Variants in ALK observed in about 807,000 individuals in gnomAD.
ALK encodes the protein ALK tyrosine kinase receptor.
A neutral mutation model predicts 163.1 loss-of-function variants in ALK; 74 were observed. The observed-to-expected ratio is 0.45, with a 90% confidence interval of 0.38 to 0.55. ALK has a LOEUF of 0.55. Ranked by LOEUF, ALK falls within the 20% of genes least tolerant of loss-of-function variation. The pLI, the probability that ALK is intolerant of heterozygous loss-of-function variation, is 0.00. For synonymous variants in ALK, 960 were observed against 843.2 expected (o/e 1.14, Z -2.40); for missense variants, 2,063 against 2,105.3 (o/e 0.98, Z 0.39).
intron 1 of ALK, among the ~76,000 whole-genome samples, chr2:29,729,672 C>G (rs1052208784): frequency 6.6e-6 from 1 of 152,162 alleles, no homozygotes; most frequent in East Asian, 1.9e-4. Flanking sequence ...CCCTCCAAAT[C>G]GCCTGGCTCT....
chr2:29,874,289 C>G (rs1404760263), intron 1 of ALK, among the ~76,000 whole-genome samples: 5 of 144,224 alleles, frequency 3.5e-5, no homozygotes, highest in Admixed American at 3.4e-4. Context: ...ACTGTCAACT[C>G]AAGCCCAGTA....
intron 5 of ALK, among the ~76,000 whole-genome samples, chr2:29,331,417 A>G (rs964746766): frequency 6.6e-6 from 1 of 152,188 alleles, no homozygotes; most frequent in Non-Finnish European, 1.5e-5. Context: ...CCTGGAATCA[A>G]TCCCCCACTG....
At chr2:29,375,713 C>T (rs1668738428) in intron 5 of ALK, among the ~76,000 whole-genome samples, 1 of 152,132 alleles carries the variant, frequency 6.6e-6, no homozygotes, top group Non-Finnish European at 1.5e-5. Context: ...GATGGCTAGT[C>T]TATGGCAAGT....
intron 3 of ALK, among the ~76,000 whole-genome samples, chr2:29,591,174 G>A (rs575733725): frequency 9.3e-5 from 14 of 151,198 alleles, no homozygotes; most frequent in Non-Finnish European, 1.6e-4. Flanking sequence ...CAAGAATCAT[G>A]GAATAATTTT....
In ALK at chr2:29,801,635, T is replaced by C. The variant is rs183253375; in HGVS notation, c.668-83938A>G. Among the ~76,000 whole-genome samples the C allele has an allele frequency of 2.0e-5, 3 of 152,350 alleles. No homozygotes were observed. The East Asian group carries it at 5.8e-4, about 29-fold the overall frequency. On this transcript the variant is annotated intron_variant, in intron 1 of 28. Coordinates refer to ENST00000389048, the MANE Select transcript of ALK (RefSeq NM_004304.5). ...TGTTTTTCACTTAACTTTTTTTCAT[T>C]TTCTGTTTTCCTTCCTGCCTCCCTG...
At chr2:29,194,041 T>A in intron 28 of ALK, 119 bp from the exon 29 acceptor site, 1 of 1,022,598 alleles carries the variant, frequency 9.8e-7, no homozygotes, top group Non-Finnish European at 1.5e-6. Context: ...CAGGATTTAT[T>A]GAGAATATAG....
At chr2:29,777,149 A>C (rs190094253) in intron 1 of ALK, among the ~76,000 whole-genome samples, 1 of 152,364 alleles carries the variant, frequency 6.6e-6, no homozygotes, top group Admixed American at 6.5e-5. Flanking sequence ...CTCATACACT[A>C]AACTAGCATT....
intron 1 of ALK, among the ~76,000 whole-genome samples, chr2:29,735,814 C>T (rs922058137): frequency 3.9e-5 from 6 of 152,066 alleles, no homozygotes; most frequent in African/African-American, 1.2e-4. Context: ...TCAATTTCTG[C>T]CACAATTGTA....
intron 4 of ALK, among the ~76,000 whole-genome samples, chr2:29,432,897 T>C (rs1258632015): frequency 4.6e-5 from 7 of 152,278 alleles, no homozygotes; most frequent in East Asian, 1.9e-4. Flanking sequence ...AAACCTTAGT[T>C]CTAACTCCAG....
chr2:29,838,139 G>A (rs1022447797), intron 1 of ALK, among the ~76,000 whole-genome samples: 3 of 151,994 alleles, frequency 2.0e-5, no homozygotes, highest in Non-Finnish European at 4.4e-5. Flanking sequence ...TAGTGAACTT[G>A]AAGAGCAGTC....
chr2:29,628,795 A>G (rs1386144950), intron 3 of ALK, among the ~76,000 whole-genome samples: 1 of 152,218 alleles, frequency 6.6e-6, no homozygotes, highest in Non-Finnish European at 1.5e-5. Context: ...AGTAAATGAG[A>G]AACTATTCAA....
intron 1 of ALK, among the ~76,000 whole-genome samples, chr2:29,864,923 C>T (rs1487543665): frequency 6.6e-6 from 1 of 152,212 alleles, no homozygotes; most frequent in African/African-American, 2.4e-5. Flanking sequence ...GCCTCCCACC[C>T]TCTCCCCTGA....
chr2:29,303,782 A>G (rs116559549), intron 8 of ALK, among the ~76,000 whole-genome samples: 142 of 152,366 alleles, frequency 9.3e-4, no homozygotes, highest in African/African-American at 3.3e-3. Flanking sequence ...TAATGTAGAA[A>G]CAGAAAATCA....
Position 29,251,216 on chromosome 2 carries a change from T to A in ALK, c.2093A>T (p.Gln698Leu). Residue 698 changes from glutamine to leucine, a missense_variant, in exon 12 of 29, where the codon CAG (glutamine) becomes CTG (leucine). Coordinates refer to ENST00000389048, the MANE Select transcript of ALK (RefSeq NM_004304.5). ...CGASGPHGPTQAQCNNAYQNS... is the reference protein window; with the variant it reads ...CGASGPHGPTLAQCNNAYQNS... ...CTGGTAGGCGTTGTTGCACTGTGCC[T>A]GGGTGGGGCCATGGGGCCCGCTGGC... 6.2e-7 allele frequency: 1 copy of A among 1,614,112 alleles called. No homozygotes were observed. The highest frequency in any genetic ancestry group is 8.5e-7 in the Non-Finnish European group (1 of 1,179,980).
chr2:29,431,414 A>G (rs1670269387), intron 4 of ALK, among the ~76,000 whole-genome samples: 1 of 152,228 alleles, frequency 6.6e-6, no homozygotes, highest in South Asian at 2.1e-4. Flanking sequence ...TAGCCAACTG[A>G]TTCGAATTTT....
intron 4 of ALK, among the ~76,000 whole-genome samples, chr2:29,523,195 C>T (rs1390364315): frequency 6.6e-6 from 1 of 152,156 alleles, no homozygotes; most frequent in African/African-American, 2.4e-5. Context: ...CGGTCCTTTG[C>T]ACACGTGCAC....
intron 4 of ALK, among the ~76,000 whole-genome samples, chr2:29,493,205 C>T (rs146111116): frequency 1.2e-3 from 178 of 152,244 alleles, no homozygotes; most frequent in African/African-American, 4.0e-3. Context: ...ACATTTTTTT[C>T]CAACACTGGG....
At chr2:29,652,452 T>C (rs1442668325) in intron 3 of ALK, among the ~76,000 whole-genome samples, 3 of 152,198 alleles carry the variant, frequency 2.0e-5, no homozygotes, top group African/African-American at 4.8e-5. Flanking sequence ...TTGTGAAATA[T>C]GTTTCATTTT....
At chr2:29,197,893 G>A (rs528615972) in intron 26 of ALK, among the ~76,000 whole-genome samples, 27 of 152,104 alleles carry the variant, frequency 1.8e-4, no homozygotes, top group African/African-American at 6.5e-4. Context: ...TTTTTAAGTC[G>A]TTTCTGTGCT....
Sources: gnomAD v4.1 joint callset for allele counts (sites outside exome capture counted in the v4.1 genomes callset) on GRCh38, gnomAD v4.1.1 for gene constraint, MANE v1.5 for transcripts, NCBI Gene and HGNC (gene_info 2026-07-23, HGNC 2026-07-21) for gene names.